The following MAGI1 variants were observed in gnomAD, a reference collection of about 807,000 sequenced individuals.
MAGI1 encodes the protein membrane-associated guanylate kinase, WW and PDZ domain-containing protein 1.
MAGI1 carries 58 observed loss-of-function variants against 139.9 expected under a neutral mutation model. The ratio of observed to expected loss-of-function variants is 0.41; its 90% CI spans 0.34 to 0.52. The LOEUF is 0.52. Ranked by LOEUF, MAGI1 falls within the 20% of genes least tolerant of loss-of-function variation. The probability of loss-of-function intolerance (pLI) is 0.12; values close to 1 mark genes in which losing one functional copy is unlikely to be tolerated. For missense variants in MAGI1, 1,874 were observed against 1,901.6 expected, an observed-to-expected ratio of 0.99 and a Z score of 0.27; for synonymous variants, 812 against 737.9, an observed-to-expected ratio of 1.10 and a Z score of -1.63.
At chr3:65,913,502 A>G (rs963070601) in intron 1 of MAGI1, among the ~76,000 whole-genome samples, 5 of 152,166 alleles carry the variant, frequency 3.3e-5, no homozygotes, top group African/African-American at 1.2e-4. Flanking sequence ...TAATAGGTAT[A>G]GGTTGTTTCG....
At chr3:65,794,844 G>GAA (rs10581418) in intron 1 of MAGI1, among the ~76,000 whole-genome samples, 6 of 131,800 alleles carry the variant, frequency 4.6e-5, no homozygotes, top group South Asian at 2.4e-4. Flanking sequence ...CCCTCATCAG[G>GAA]AAAAAAAAAA....
intron 1 of MAGI1, among the ~76,000 whole-genome samples, chr3:65,694,663 T>C (rs2088987452): frequency 6.6e-6 from 1 of 152,216 alleles, no homozygotes; most frequent in Non-Finnish European, 1.5e-5. Flanking sequence ...ACAGCTACAA[T>C]GTGCTGCAAA....
chr3:65,531,491 AAC>A (rs1236508328), intron 2 of MAGI1, among the ~76,000 whole-genome samples: 2 of 152,220 alleles, frequency 1.3e-5, no homozygotes, highest in African/African-American at 4.8e-5. Flanking sequence ...TAATAGTTAT[AAC>A]ACACAATTAT....
chr3:65,745,614 C>T (rs1200696636), intron 1 of MAGI1, among the ~76,000 whole-genome samples: 2 of 152,244 alleles, frequency 1.3e-5, no homozygotes, highest in Non-Finnish European at 2.9e-5. Flanking sequence ...ACATAACACA[C>T]ATTAAAATTC....
intron 1 of MAGI1, among the ~76,000 whole-genome samples, chr3:65,724,656 G>C (rs889113198): frequency 1.3e-5 from 2 of 152,182 alleles, no homozygotes; most frequent in African/African-American, 4.8e-5. Flanking sequence ...GCATACCTGA[G>C]ACTGGGTAAT....
intron 2 of MAGI1, among the ~76,000 whole-genome samples, chr3:65,495,401 T>C (rs1170902361): frequency 6.6e-6 from 1 of 152,216 alleles, no homozygotes; most frequent in African/African-American, 2.4e-5. Context: ...ACCGTTCAAA[T>C]CCCAGTATAA....
At position 65,470,463 on chromosome 3, in the gene MAGI1, T is replaced by G; in HGVS notation, c.779A>C (p.Glu260Ala). The G allele has an allele frequency of 6.2e-7, 1 of 1,611,860 alleles. No individual in the cohort carries two copies. Among genetic ancestry groups the G allele is most frequent in the Non-Finnish European group, 8.5e-7 (1 of 1,179,496 alleles). ...SFTADSGEQE[E>A]HTLQETALPP... Reference sequence around the variant, plus strand: ...TAATGCTGTTTCTTGGAGAGTGTGCTCCTCTTGTTCACCAGAATCGGCTGC... The same window carrying G: ...TAATGCTGTTTCTTGGAGAGTGTGCGCCTCTTGTTCACCAGAATCGGCTGC... Residue 260 changes from glutamate to alanine, a missense_variant, in exon 5 of 23, where the codon GAG becomes GCG. Transcript: ENST00000402939.
intron 1 of MAGI1, among the ~76,000 whole-genome samples, chr3:65,808,330 G>C (rs574582660): frequency 6.6e-6 from 1 of 151,794 alleles, no homozygotes; most frequent in Admixed American, 6.6e-5. Context: ...GTGAAACCCT[G>C]TCTCTATTAA....
intron 5 of MAGI1, among the ~76,000 whole-genome samples, chr3:65,465,339 GT>G (rs935818788): frequency 1.2e-3 from 167 of 142,060 alleles, no homozygotes; most frequent in Non-Finnish European, 1.9e-3. Context: ...TTTGTTGGTT[GT>G]TTTTTTTTTT....
chr3:65,768,437 A>G (rs909913319), intron 1 of MAGI1, among the ~76,000 whole-genome samples: 1 of 152,142 alleles, frequency 6.6e-6, no homozygotes, highest in Admixed American at 6.6e-5. Flanking sequence ...AAAAGAAATT[A>G]CTTAAGGATA....
intron 1 of MAGI1, among the ~76,000 whole-genome samples, chr3:65,878,964 C>T (rs1325775206): frequency 6.6e-6 from 1 of 152,186 alleles, no homozygotes; most frequent in Non-Finnish European, 1.5e-5. Flanking sequence ...CGCCTGACTT[C>T]CTTTCACCTG....
chr3:65,505,875 C>T (rs2077265773), intron 2 of MAGI1, among the ~76,000 whole-genome samples: 1 of 151,950 alleles, frequency 6.6e-6, no homozygotes, highest in African/African-American at 2.4e-5. Flanking sequence ...TAAAGATGGG[C>T]AAAACATGAT....
intron 1 of MAGI1, among the ~76,000 whole-genome samples, chr3:65,896,908 C>G (rs2108601045): frequency 1.3e-5 from 2 of 152,238 alleles, no homozygotes; most frequent in East Asian, 3.9e-4. Context: ...CATAATACAA[C>G]TAGAATAATA....
intron 14 of MAGI1, among the ~76,000 whole-genome samples, chr3:65,385,370 G>T (rs886566108): frequency 1.3e-5 from 2 of 152,072 alleles, no homozygotes; most frequent in Non-Finnish European, 2.9e-5. Context: ...TATTTCAGTT[G>T]CAGTGAATCC....
intron 2 of MAGI1, among the ~76,000 whole-genome samples, chr3:65,506,973 G>A (rs970395603): frequency 2.0e-5 from 3 of 152,210 alleles, no homozygotes; most frequent in Admixed American, 1.3e-4. Flanking sequence ...AGTATACAGC[G>A]AAATAGTCAC....
intron 1 of MAGI1, among the ~76,000 whole-genome samples, chr3:65,961,455 G>GATC (rs1476324649): frequency 5.9e-5 from 9 of 152,138 alleles, no homozygotes; most frequent in Non-Finnish European, 1.3e-4. Context: ...CTAAATAGAT[G>GATC]ATCAGTATAA....
At chr3:65,644,094 G>A (rs1003243098) in intron 1 of MAGI1, among the ~76,000 whole-genome samples, 3 of 152,096 alleles carry the variant, frequency 2.0e-5, no homozygotes, top group Non-Finnish European at 1.5e-5. Flanking sequence ...AGAGGAGTGG[G>A]AAACCTAGAC....
chr3:65,619,738 G>A (rs565314957), intron 2 of MAGI1: 1 of 446,318 alleles, frequency 2.2e-6, no homozygotes, highest in Non-Finnish European at 3.0e-6. Context: ...AGAATCCCAA[G>A]TAAGCCCCAG....
At chr3:66,014,006 C>A (rs1022416714) in intron 1 of MAGI1, among the ~76,000 whole-genome samples, 4 of 152,100 alleles carry the variant, frequency 2.6e-5, no homozygotes, top group African/African-American at 9.7e-5. Context: ...TGTATCAGGG[C>A]CATCTTCCTC....
Sources: allele counts gnomAD v4.1 joint callset (sites outside exome capture counted in the v4.1 genomes callset), GRCh38; gene constraint gnomAD v4.1.1; transcripts MANE v1.5; gene names NCBI Gene and HGNC (gene_info 2026-07-23, HGNC 2026-07-21).